Variants in PACSIN3 observed in about 807,000 individuals in gnomAD.
PACSIN3 encodes the protein protein kinase C and casein kinase substrate in neurons 3, also known as protein kinase C and casein kinase substrate in neurons protein 3.
In PACSIN3, 34 loss-of-function variants were observed where a neutral mutation model predicts 56.1. The ratio of observed to expected loss-of-function variants is 0.61; its 90% CI spans 0.46 to 0.81. The LOEUF is 0.81. PACSIN3 is among the 30% of genes least tolerant of loss of function. PACSIN3 has a pLI of 0.00. For synonymous variants in PACSIN3, 218 were observed against 229.8 expected (o/e 0.95, Z 0.46); for missense variants, 535 against 592.4 (o/e 0.90, Z 1.01).
In PACSIN3 at chr11:47,178,695, G is replaced by A. The variant is rs900830591; in HGVS notation, c.1037+199C>T. 3.3e-5 allele frequency among the ~76,000 whole-genome samples: 5 copies of A among 152,186 alleles called. No homozygotes were observed. Among genetic ancestry groups the A allele is most frequent in the Admixed American group, 2.6e-4 (4 of 15,284 alleles). On this transcript the variant is annotated intron_variant, in intron 9 of 10. Transcript: ENST00000298838. The surrounding 1 kb of genome is among the most constrained non-coding windows in gnomAD (Gnocchi z 4.2). The stretch of plus-strand genomic sequence containing the variant: ...CACGCAGCTGATTTAAGGCATAAAC[G>A]AGAGGGAATGTGGGAAATGCCCAGC...
rs1419644000 is a variant in PACSIN3, at chr11:47,183,034, G to A, written c.-68C>T. ...GCCTAGAGATCACTTCAAGGACCCG[G>A]GTGTCCAACTCTCAATGCTGCCACC... On this transcript the variant is annotated 5_prime_UTR_variant, in exon 2 of 11. Transcript: ENST00000298838. The A allele has an allele frequency of 3.1e-6, 1 of 326,070 alleles. No homozygotes were observed. The highest frequency in any genetic ancestry group is 5.5e-6 in the Non-Finnish European group (1 of 180,370). 20.2% of individuals were successfully genotyped at this position (326,070 alleles called of 1,614,324 possible). A position where few individuals can be genotyped will look rare whatever the true frequency, so the allele number is the denominator to read the frequency against.
In PACSIN3 at chr11:47,180,656, A is replaced by G. The variant is rs1023646321; in HGVS notation, c.246T>C (p.His82=). The stretch of plus-strand genomic sequence containing the variant: ...GCCGCTCAGCCGCCGTGAAAAAGGC[A>G]TGCCAGGCCTTCTCCAGTGTGCCAT... ...PQYGTLEKAW[H]AFFTAAERLS... The change falls in exon 5 of 11, where the codon CAT becomes CAC. Residue 82 remains histidine (H), a synonymous_variant. Coordinates refer to ENST00000298838, the MANE Select transcript of PACSIN3 (RefSeq NM_016223.5). 6.2e-7 allele frequency: 1 copy of G among 1,602,876 alleles called. No homozygotes were observed. Among genetic ancestry groups the G allele is most frequent in the Non-Finnish European group, 8.5e-7 (1 of 1,179,690 alleles).
Position 47,178,557 on chromosome 11 carries a change from C to A in PACSIN3, c.1038-70G>T, listed in dbSNP as rs1952941664. On this transcript the variant is annotated intron_variant, in intron 9 of 10. Transcript: ENST00000298838. The surrounding 1 kb of genome is among the most constrained non-coding windows in gnomAD (Gnocchi z 4.2). ...CGGGGCTGGAGATCTCACCCAGGAT[C>A]AGGGCAAAGGCCTCCCTACCCCCAG... 1.9e-6 allele frequency: 3 copies of A among 1,570,708 alleles called. No individual in the cohort carries two copies. Among genetic ancestry groups the A allele is most frequent in the Admixed American group, 1.8e-5 (1 of 56,020 alleles).
At chr11:47,182,653 G>A in intron 3 of PACSIN3, 21 bp downstream of exon 3, 1 of 1,609,644 alleles carries the variant, frequency 6.2e-7, no homozygotes, top group Non-Finnish European at 8.5e-7. Context: ...AAGTAGCTGA[G>A]CCCAGGACCC....
Position 47,178,058 on chromosome 11 carries a change from G to A in PACSIN3, c.1160-12C>T. 6.2e-7 allele frequency: 1 copy of A among 1,609,062 alleles called. No homozygotes were observed. The highest frequency in any genetic ancestry group is 2.2e-5 in the East Asian group (1 of 44,728). The stretch of plus-strand genomic sequence containing the variant: ...CAGCAGCTCCTCCCCTGGGGGAAAG[G>A]GGATTGGTCACTGCCAGTGGCCCTG... On this transcript the variant is annotated splice_polypyrimidine_tract_variant and intron_variant, in intron 10 of 10. Transcript: ENST00000298838. This position sits in a 1 kb window ranked among gnomAD's most constrained non-coding sequence, Gnocchi z 4.2.
Position 47,182,410 on chromosome 11 carries a change from C to CA in PACSIN3, c.203dup (p.Glu69GlyfsTer21). The CA allele has an allele frequency of 6.3e-7, 1 of 1,598,092 alleles. No homozygotes were observed. ...TGCGAGGGCCTGGCTCACCCTTCTCCACGGTCCCCCTCCACTTTCGGGCCC... is the reference window on the plus strand; with the variant it reads ...TGCGAGGGCCTGGCTCACCCTTCTCCAACGGTCCCCCTCCACTTTCGGGCCC... On this transcript the variant is annotated frameshift_variant, in exon 4 of 11. Coordinates refer to ENST00000298838, the MANE Select transcript of PACSIN3 (RefSeq NM_016223.5). LOFTEE classifies it high-confidence loss of function.
At chr11:47,182,349 G>A in intron 4 of PACSIN3, 54 bp downstream of exon 4, 3 of 1,508,488 alleles carry the variant, frequency 2.0e-6, no homozygotes, top group South Asian at 2.5e-5. Context: ...AAAGAAGCTG[G>A]CCCGACAGTC....
In PACSIN3 at chr11:47,183,972, CAG is replaced by C. The variant is rs2135463001; in HGVS notation, c.-103-905_-103-904del. On this transcript the variant is annotated intron_variant, in intron 1 of 10. Transcript: ENST00000298838. ...AGGAGGCGGAGGAGGTTGCGGTGAG[CAG>C]AGATTATACCACCGCCTGGGCAACA... Among the ~76,000 whole-genome samples, 3 of 150,322 alleles carry C rather than the reference CAG, an allele frequency of 2.0e-5. No individual in the cohort carries two copies. In the East Asian group the frequency reaches 5.8e-4, roughly 29 times the overall value.
rs73463836 is a variant in PACSIN3, at chr11:47,179,855, G to A, written c.604-269C>T. 50 of 560,622 alleles carry A rather than the reference G, an allele frequency of 8.9e-5. No homozygotes were observed. The highest frequency in any genetic ancestry group is 6.9e-4 in the African/African-American group (37 of 53,534). The allele number at this position is 560,622 out of a possible 1,614,324, so 34.7% of individuals were successfully genotyped here. ...AGAAATCAGAAAAGGCTTCCTGGAGGAGGTGGAAACTGCAGCATCTCAGGA... is the reference window on the plus strand; with the variant it reads ...AGAAATCAGAAAAGGCTTCCTGGAGAAGGTGGAAACTGCAGCATCTCAGGA... On this transcript the variant is annotated intron_variant, in intron 6 of 10. Transcript: ENST00000298838. This position sits in a 1 kb window ranked among gnomAD's most constrained non-coding sequence, Gnocchi z 4.4.
chr11:47,179,540 G>A lies in PACSIN3; in HGVS notation c.650C>T (p.Thr217Ile), dbSNP rs1952974780. Residue 217 changes from threonine (T) to isoleucine (I), a missense_variant, in exon 7 of 11, where the codon ACT (threonine) becomes ATT (isoleucine). Transcript: ENST00000298838. This position sits in a 1 kb window ranked among gnomAD's most constrained non-coding sequence, Gnocchi z 4.4. ...TTCCATGTCCTCCATGTAGCGTGGA[G>A]TGTAGCGATGCAGCTCTGCCAGCGT... ...EQTLAELHRY[T>I]PRYMEDMEQA... 3 of 1,613,916 alleles carry A rather than the reference G, an allele frequency of 1.9e-6. No homozygotes were observed. Among genetic ancestry groups the A allele is most frequent in the Non-Finnish European group, 1.7e-6 (2 of 1,180,022 alleles).
rs1952912357 is a variant in PACSIN3 at position 47,177,841 on chromosome 11, A to G, written c.*90T>C. Reference sequence around the variant, plus strand: ...GGGACAGAGGAGCAGCCAGAGAGCGACGGTTCAGGGCCCTGAGGGTCCGGC... The same window carrying G: ...GGGACAGAGGAGCAGCCAGAGAGCGGCGGTTCAGGGCCCTGAGGGTCCGGC... On this transcript the variant is annotated 3_prime_UTR_variant, in exon 11 of 11. Transcript: ENST00000298838. 24 of 989,126 alleles carry G rather than the reference A, an allele frequency of 2.4e-5. 1 individual carries two copies. The South Asian group carries it at 3.2e-4, about 13-fold the overall frequency. 61.3% of individuals were successfully genotyped at this position (989,126 alleles called of 1,614,324 possible). A position where few individuals can be genotyped will look rare whatever the true frequency, so the allele number is the denominator to read the frequency against.
intron 2 of PACSIN3, 99 bp from the exon 3 acceptor site, chr11:47,182,863 C>G: frequency 1.2e-6 from 1 of 852,748 alleles, no homozygotes; most frequent in Non-Finnish European, 1.8e-6. Flanking sequence ...ACTGCCATCC[C>G]CACCACCCAA....
At position 47,179,610 on chromosome 11, in the gene PACSIN3, G is replaced by T; in HGVS notation, c.604-24C>A. Reference sequence around the variant, plus strand: ...GTCTGGGTGGGAGAGGAGGGGCCTGGTGAGAACCAGACCTTCTTCCACCCA... The same window carrying T: ...GTCTGGGTGGGAGAGGAGGGGCCTGTTGAGAACCAGACCTTCTTCCACCCA... On this transcript the variant is annotated intron_variant, in intron 6 of 10. Transcript: ENST00000298838. The surrounding 1 kb of genome is among the most constrained non-coding windows in gnomAD (Gnocchi z 4.4). 1 of 1,607,048 alleles carries T rather than the reference G, an allele frequency of 6.2e-7. No individual in the cohort carries two copies. The highest frequency in any genetic ancestry group is 8.5e-7 in the Non-Finnish European group (1 of 1,178,474).
In PACSIN3 at chr11:47,178,155, A is replaced by G; in HGVS notation, c.1160-109T>C. On this transcript the variant is annotated intron_variant, in intron 10 of 10. Coordinates refer to ENST00000298838, the MANE Select transcript of PACSIN3 (RefSeq NM_016223.5). The surrounding 1 kb of genome is among the most constrained non-coding windows in gnomAD (Gnocchi z 4.2). ...TGTGGTCCCAGAGCCCAGCTAGCAA[A>G]GACATGGCTCAGGCAGAGGCAGGTC... The G allele has an allele frequency of 8.3e-7, 1 of 1,208,290 alleles. No homozygotes were observed. The highest frequency in any genetic ancestry group is 1.2e-6 in the Non-Finnish European group (1 of 845,040). The allele number at this position is 1,208,290 out of a possible 1,614,324, so 74.8% of individuals were successfully genotyped here.
At chr11:47,182,333 G>A (rs913574628) in intron 4 of PACSIN3, 70 bp downstream of exon 4, 59 of 1,468,600 alleles carry the variant, frequency 4.0e-5, no homozygotes, top group African/African-American at 2.2e-4. Flanking sequence ...CCCACGAGAC[G>A]TGCAAAAAGA....
rs990189203 is a variant in PACSIN3, at chr11:47,177,556, A to C, written c.*375T>G. 1.8e-5 allele frequency: 4 copies of C among 228,068 alleles called. No individual in the cohort carries two copies. Among genetic ancestry groups the C allele is most frequent in the Non-Finnish European group, 2.6e-5 (3 of 116,778 alleles). 14.1% of individuals were successfully genotyped at this position (228,068 alleles called of 1,614,324 possible). ...TGTTTTTGTGTGTGGGTGTGTGTCA[A>C]GTTTTAATACACGCTAGAACAAGCC... On this transcript the variant is annotated 3_prime_UTR_variant, in exon 11 of 11. Coordinates refer to ENST00000298838, the MANE Select transcript of PACSIN3 (RefSeq NM_016223.5).
At chr11:47,184,752 A>G (rs531440447) in intron 1 of PACSIN3, among the ~76,000 whole-genome samples, 1 of 152,270 alleles carries the variant, frequency 6.6e-6, no homozygotes, top group South Asian at 2.1e-4. Flanking sequence ...GGCGATGGAG[A>G]GAAAGAGAGC....
In PACSIN3 at chr11:47,180,787, C is replaced by T. The variant is rs12362439; in HGVS notation, c.212-97G>A. 1.1e-4 allele frequency: 100 copies of T among 923,256 alleles called. 1 individual carries two copies. The East Asian group carries it at 1.7e-3, about 16-fold the overall frequency. 57.2% of individuals were successfully genotyped at this position (923,256 alleles called of 1,614,324 possible). On this transcript the variant is annotated intron_variant, in intron 4 of 10. Transcript: ENST00000298838. ...GTGAGGCATGGAGGCATGGGGTACG[C>T]GCATGGGGTGCAAAGGTGAATGACA...
In PACSIN3 at chr11:47,179,214, C is replaced by G. The variant is rs756655757; in HGVS notation, c.845G>C (p.Arg282Pro). The G allele has an allele frequency of 3.1e-6, 5 of 1,614,010 alleles. No individual in the cohort carries two copies. Among genetic ancestry groups the G allele is most frequent in the Non-Finnish European group, 4.2e-6 (5 of 1,180,028 alleles). The change falls in exon 8 of 11, where the codon CGC (arginine) becomes CCC (proline). Residue 282 changes from arginine to proline, a missense_variant. Arg to Pro is a moderately radical substitution (Grantham distance 103, BLOSUM62 -2). Transcript: ENST00000298838. The surrounding 1 kb of genome is among the most constrained non-coding windows in gnomAD (Gnocchi z 4.4). ...TGGCCCGTGGGTGCTGCGCCACCAG[C>G]GCAGATCCTCTTCGTCACTGGCTGC... is the stretch of plus-strand genomic sequence containing the variant. The part of the protein sequence containing the change: ...IEAASDEEDL[R>P]WWRSTHGPGM...
Sources: gnomAD v4.1 joint callset for allele counts (sites outside exome capture counted in the v4.1 genomes callset) on GRCh38, gnomAD v4.1.1 for gene constraint, Gnocchi (gnomAD v3.1) non-coding constraint, MANE v1.5 for transcripts, NCBI Gene and HGNC (gene_info 2026-07-23, HGNC 2026-07-21) for gene names.